Variants in PDE8A observed in about 807,000 individuals in gnomAD.
The protein encoded by PDE8A is high affinity cAMP-specific and IBMX-insensitive 3',5'-cyclic phosphodiesterase 8A.
A neutral mutation model predicts 105.0 loss-of-function variants in PDE8A; 59 were observed. That is an observed-to-expected ratio of 0.56 (90% CI 0.46 to 0.70). The LOEUF (loss-of-function observed/expected upper bound fraction) is 0.70. Ranked by LOEUF, PDE8A falls within the 30% of genes least tolerant of loss-of-function variation. PDE8A has a pLI of 0.00. For missense variants in PDE8A, 1,014 were observed against 1,045.9 expected (o/e 0.97, Z 0.42); for synonymous variants, 355 against 371.9 (o/e 0.95, Z 0.52).
At chr15:85,028,350 G>T (rs1429141505) in intron 1 of PDE8A, among the ~76,000 whole-genome samples, 1 of 152,086 alleles carries the variant, frequency 6.6e-6, no homozygotes, top group Non-Finnish European at 1.5e-5. Context: ...AAGTAGCTGG[G>T]ACTACAGGTG....
At chr15:85,066,978 T>G in intron 2 of PDE8A, 36 bp from the exon 3 acceptor site, 1 of 1,478,266 alleles carries the variant, frequency 6.8e-7, no homozygotes, top group Non-Finnish European at 9.3e-7. Context: ...TCTAACATCT[T>G]TTTTTAAAAA....
Position 85,075,850 on chromosome 15 carries a change from G to T in PDE8A, c.435-12G>T. The T allele has an allele frequency of 2.8e-6, 4 of 1,413,470 alleles. No individual in the cohort carries two copies. Among genetic ancestry groups the T allele is most frequent in the South Asian group, 2.6e-5 (2 of 78,012 alleles). The allele number at this position is 1,413,470 out of a possible 1,614,324, so 87.6% of individuals were successfully genotyped here. A position where few individuals can be genotyped will look rare whatever the true frequency, so the allele number is the denominator to read the frequency against. ...TTTTATATTTATTTTAAAGTTTTGT[G>T]TTTTTTTTAAGGTCTATCAGATCAT... On this transcript the variant is annotated splice_polypyrimidine_tract_variant and intron_variant, in intron 3 of 21. Coordinates refer to ENST00000394553, the MANE Select transcript of PDE8A (RefSeq NM_002605.3).
chr15:85,128,271 A>G (rs2082285311), intron 20 of PDE8A, among the ~76,000 whole-genome samples: 1 of 152,176 alleles, frequency 6.6e-6, no homozygotes, highest in Non-Finnish European at 1.5e-5. Flanking sequence ...TTGGGAGGCC[A>G]AGGTGGGAGG....
upstream of PDE8A, among the ~76,000 whole-genome samples, chr15:84,981,626 G>C (rs982669232): frequency 2.6e-5 from 4 of 152,064 alleles, no homozygotes; most frequent in Non-Finnish European, 5.9e-5. Flanking sequence ...GCTTTTCCGC[G>C]AGGCGGCGGC....
chr15:85,074,241 G>C (rs1382072795), intron 3 of PDE8A, among the ~76,000 whole-genome samples: 2 of 152,214 alleles, frequency 1.3e-5, no homozygotes, highest in African/African-American at 4.8e-5. Context: ...CTACAGGCAA[G>C]AATGGGCAAA....
Position 85,126,199 on chromosome 15 carries a change from T to A in PDE8A, c.2086-8T>A. The stretch of plus-strand genomic sequence containing the variant: ...TTTTGATTGCTTTGAATTCCACTCA[T>A]GTTTCAGGAAACTGATAAAAACCAG... On this transcript the variant is annotated splice_polypyrimidine_tract_variant and splice_region_variant and intron_variant, in intron 19 of 21. Transcript: ENST00000394553. The A allele has an allele frequency of 1.2e-6, 2 of 1,602,672 alleles. No individual in the cohort carries two copies. Among genetic ancestry groups the A allele is most frequent in the East Asian group, 4.5e-5 (2 of 44,662 alleles).
chr15:85,098,945 A>C (rs2081807906), intron 9 of PDE8A, among the ~76,000 whole-genome samples: 1 of 152,160 alleles, frequency 6.6e-6, no homozygotes, highest in Non-Finnish European at 1.5e-5. Flanking sequence ...CAACAAAGTA[A>C]GACACTGTCT....
intron 6 of PDE8A, among the ~76,000 whole-genome samples, chr15:85,086,773 TAG>T (rs2081559662): frequency 2.6e-5 from 4 of 152,066 alleles, no homozygotes; most frequent in Admixed American, 2.6e-4. Context: ...TTTTTTGAGA[TAG>T]AGTCTCACTC....
chr15:85,098,127 C>G (rs2081791523), intron 9 of PDE8A, 91 bp downstream of exon 9: 1 of 775,236 alleles, frequency 1.3e-6, no homozygotes. Flanking sequence ...GGACTGCTGA[C>G]AGAAGTGTCA....
At chr15:85,035,197 C>CTTT (rs35548176) in intron 1 of PDE8A, among the ~76,000 whole-genome samples, 1,587 of 57,784 alleles carry the variant, frequency 0.027, 169 homozygotes, top group Non-Finnish European at 0.039. Flanking sequence ...TGGGTATTTC[C>CTTT]TTTTTTTTTT....
At chr15:85,137,113 C>G (rs896300625) in intron 21 of PDE8A, among the ~76,000 whole-genome samples, 5 of 152,096 alleles carry the variant, frequency 3.3e-5, no homozygotes, top group Non-Finnish European at 7.3e-5. Flanking sequence ...AAAAGAATAT[C>G]GGAGAACTGA....
chr15:85,052,673 TG>T (rs1157339301), intron 1 of PDE8A, among the ~76,000 whole-genome samples: 1 of 152,234 alleles, frequency 6.6e-6, no homozygotes, highest in Non-Finnish European at 1.5e-5. Flanking sequence ...TAGGGTTGTT[TG>T]ATTTTTTCTT....
intron 14 of PDE8A, among the ~76,000 whole-genome samples, chr15:85,114,631 C>G (rs980952508): frequency 6.6e-5 from 10 of 152,238 alleles, no homozygotes; most frequent in Non-Finnish European, 1.3e-4. Context: ...CCATTGCTCT[C>G]TGTCAGCTTT....
upstream of PDE8A, chr15:84,980,478 T>A (rs1214253729): frequency 6.6e-6 from 1 of 152,286 alleles, no homozygotes. Flanking sequence ...CCTCTCAGGG[T>A]CGCTCCAGGG....
At chr15:85,085,152 A>G (rs1347170585) in intron 6 of PDE8A, among the ~76,000 whole-genome samples, 1 of 152,188 alleles carries the variant, frequency 6.6e-6, no homozygotes. Context: ...GTAGCCTACA[A>G]GGGTCTCCAT....
At chr15:85,045,242 A>G (rs574341608) in intron 1 of PDE8A, among the ~76,000 whole-genome samples, 50 of 152,316 alleles carry the variant, frequency 3.3e-4, no homozygotes, top group Non-Finnish European at 4.7e-4. Flanking sequence ...CTTGCTGTCT[A>G]TTGAATCCTC....
chr15:85,076,298 G>A (rs2081380070), intron 4 of PDE8A, among the ~76,000 whole-genome samples: 1 of 151,972 alleles, frequency 6.6e-6, no homozygotes, highest in South Asian at 2.1e-4. Context: ...TATATTAGGA[G>A]AAGGGCAAGT....
At chr15:85,135,549 C>G (rs1243145460) in intron 20 of PDE8A, among the ~76,000 whole-genome samples, 2 of 152,154 alleles carry the variant, frequency 1.3e-5, no homozygotes, top group African/African-American at 4.8e-5. Flanking sequence ...TGTTCTCATC[C>G]TGCCCCACTG....
At position 84,984,039 on chromosome 15, in the gene PDE8A, G is replaced by A. The variant is rs75986826; in HGVS notation, c.186+1691G>A. Reference sequence around the variant, plus strand: ...CATCCTTAAAGTGCCTAACCCAGTGGCATACACATAGTAGGTACTAAATAA... The same window carrying A: ...CATCCTTAAAGTGCCTAACCCAGTGACATACACATAGTAGGTACTAAATAA... On this transcript the variant is annotated intron_variant, in intron 1 of 21. Coordinates refer to ENST00000394553, the MANE Select transcript of PDE8A (RefSeq NM_002605.3). 7.9e-5 allele frequency among the ~76,000 whole-genome samples: 12 copies of A among 152,304 alleles called. No individual in the cohort carries two copies. The East Asian group carries it at 2.3e-3, about 29-fold the overall frequency.
Sources: allele counts gnomAD v4.1 joint callset (sites outside exome capture counted in the v4.1 genomes callset), GRCh38; gene constraint gnomAD v4.1.1; transcripts MANE v1.5; gene names NCBI Gene and HGNC (gene_info 2026-07-23, HGNC 2026-07-21).